The following PLEKHG1 variants were observed in gnomAD, a reference collection of about 807,000 sequenced individuals.
PLEKHG1 encodes pleckstrin homology domain-containing family G member 1.
PLEKHG1 carries 44 observed loss-of-function variants against 100.8 expected under a neutral mutation model. That is an observed-to-expected ratio of 0.44 (90% CI 0.34 to 0.56). The LOEUF (loss-of-function observed/expected upper bound fraction) is 0.56, where lower values mean the gene tolerates loss of function less well. Ranked by LOEUF, PLEKHG1 falls within the 20% of genes least tolerant of loss-of-function variation. PLEKHG1 has a pLI of 0.01. For missense variants in PLEKHG1, 1,545 were observed against 1,720.9 expected (o/e 0.90, Z 1.81); for synonymous variants, 640 against 662.5 (o/e 0.97, Z 0.52).
intron 3 of PLEKHG1, among the ~76,000 whole-genome samples, chr6:150,659,954 A>G (rs1362403348): frequency 1.3e-5 from 2 of 152,230 alleles, no homozygotes; most frequent in Non-Finnish European, 1.5e-5. Flanking sequence ...TCCAAAATTT[A>G]GAAACTTCAC....
intron 3 of PLEKHG1, among the ~76,000 whole-genome samples, chr6:150,712,123 T>C (rs1781262916): frequency 6.6e-6 from 1 of 152,160 alleles, no homozygotes; most frequent in Admixed American, 6.5e-5. Flanking sequence ...CCACTGCTTT[T>C]GGGACAATCT....
Position 150,600,598 on chromosome 6 carries a change from T to C in PLEKHG1, c.-204+581T>C, listed in dbSNP as rs1191472105. 6.6e-6 allele frequency among the ~76,000 whole-genome samples: 1 copy of C among 152,122 alleles called. No homozygotes were observed. The highest frequency in any genetic ancestry group is 1.5e-5 in the Non-Finnish European group (1 of 68,000). ...GGGCGCCCCCGTTCTGCAGATGCGC[T>C]TTTCAGGGGGTGGGGAGTCAAGAGC... On this transcript the variant is annotated intron_variant, in intron 1 of 3. Transcript: ENST00000367326. This position sits in a 1 kb window ranked among gnomAD's most constrained non-coding sequence, Gnocchi z 6.2.
At chr6:150,785,793 A>G (rs143568494) in intron 3 of PLEKHG1, among the ~76,000 whole-genome samples, 3 of 152,138 alleles carry the variant, frequency 2.0e-5, no homozygotes, top group Non-Finnish European at 4.4e-5. Flanking sequence ...AGTGAAGCTG[A>G]GCTCCACCTC....
intron 1 of PLEKHG1, among the ~76,000 whole-genome samples, chr6:150,725,863 A>G (rs888201568): frequency 2.0e-5 from 3 of 151,496 alleles, no homozygotes; most frequent in African/African-American, 7.3e-5. Context: ...ATAAGGGTTC[A>G]TTTTTATTCT....
chr6:150,794,615 C>T (rs1045746451), intron 4 of PLEKHG1, among the ~76,000 whole-genome samples: 3 of 151,980 alleles, frequency 2.0e-5, no homozygotes, highest in Admixed American at 2.0e-4. Context: ...TGCAGTGAGC[C>T]GAGGTTGCGC....
At chr6:150,644,885 T>C (rs1417743323) in intron 2 of PLEKHG1, among the ~76,000 whole-genome samples, 1 of 152,088 alleles carries the variant, frequency 6.6e-6, no homozygotes, top group East Asian at 1.9e-4. Context: ...AGGTAACATG[T>C]TCATAGACAA....
intron 3 of PLEKHG1, among the ~76,000 whole-genome samples, chr6:150,713,612 G>A (rs1781319055): frequency 6.6e-6 from 1 of 152,204 alleles, no homozygotes. Context: ...CTGAGGGTCA[G>A]GTGTGGGAGT....
At chr6:150,824,246 T>C (rs932630707) in intron 14 of PLEKHG1, among the ~76,000 whole-genome samples, 2 of 152,234 alleles carry the variant, frequency 1.3e-5, no homozygotes, top group South Asian at 2.1e-4. Context: ...TTGGAAGATA[T>C]TATATCCAAC....
At chr6:150,699,331 A>G (rs980120966) in intron 3 of PLEKHG1, among the ~76,000 whole-genome samples, 6 of 152,242 alleles carry the variant, frequency 3.9e-5, no homozygotes, top group Non-Finnish European at 7.3e-5. Flanking sequence ...GATTCAGAAA[A>G]GACACTCTGA....
intron 7 of PLEKHG1, among the ~76,000 whole-genome samples, chr6:150,805,817 G>A (rs1019924553): frequency 2.6e-5 from 4 of 152,046 alleles, no homozygotes; most frequent in Admixed American, 6.6e-5. Flanking sequence ...GTGAGCCACC[G>A]CACCTGACAG....
At chr6:150,715,464 C>T (rs1220545051) in intron 3 of PLEKHG1, among the ~76,000 whole-genome samples, 1 of 150,596 alleles carries the variant, frequency 6.6e-6, no homozygotes, top group Non-Finnish European at 1.5e-5. Context: ...TTGACTTTAA[C>T]GTTCATCACT....
chr6:150,744,338 T>C (rs1430772012), intron 2 of PLEKHG1, among the ~76,000 whole-genome samples: 1 of 152,166 alleles, frequency 6.6e-6, no homozygotes, highest in Non-Finnish European at 1.5e-5. Context: ...CCTCCCAAAG[T>C]GTTGGGATTA....
At chr6:150,828,335 T>C in intron 14 of PLEKHG1, 3 of 1,611,550 alleles carry the variant, frequency 1.9e-6, no homozygotes, top group Non-Finnish European at 2.5e-6. Context: ...CTCTCCTCAG[T>C]GCGGCGCTCT....
At chr6:150,674,857 A>G (rs1202686485) in intron 3 of PLEKHG1, among the ~76,000 whole-genome samples, 2 of 151,800 alleles carry the variant, frequency 1.3e-5, no homozygotes, top group African/African-American at 4.8e-5. Flanking sequence ...TAATTTTTGT[A>G]TTTTTAGTAG....
intron 1 of PLEKHG1, among the ~76,000 whole-genome samples, chr6:150,619,787 C>T (rs1777219528): frequency 6.6e-6 from 1 of 152,208 alleles, no homozygotes; most frequent in Admixed American, 6.5e-5. Flanking sequence ...ATGTTCTTCA[C>T]AGCTCCAGGG....
At chr6:150,827,943 G>A (rs1776707969) in intron 14 of PLEKHG1, 1 of 1,610,152 alleles carries the variant, frequency 6.2e-7, no homozygotes, top group Non-Finnish European at 8.5e-7. Context: ...ATCTGGAAAA[G>A]TTTTGGAGAT....
At chr6:150,755,033 T>TG (rs2128631359) in intron 2 of PLEKHG1, among the ~76,000 whole-genome samples, 1 of 151,938 alleles carries the variant, frequency 6.6e-6, no homozygotes, top group East Asian at 1.9e-4. Context: ...TGTAGTCCTG[T>TG]GGCGTGATCA....
intron 1 of PLEKHG1, among the ~76,000 whole-genome samples, chr6:150,622,790 A>C (rs747796311): frequency 6.6e-6 from 1 of 152,178 alleles, no homozygotes; most frequent in Non-Finnish European, 1.5e-5. Context: ...CAATTTTTCT[A>C]TAAGTTGAAA....
intron 2 of PLEKHG1, among the ~76,000 whole-genome samples, chr6:150,749,866 G>A (rs375317678): frequency 6.1e-4 from 93 of 152,254 alleles, no homozygotes; most frequent in African/African-American, 2.2e-3. Context: ...GAGGTCAGGA[G>A]TTCGAGAACA....
Sources: allele counts gnomAD v4.1 joint callset (sites outside exome capture counted in the v4.1 genomes callset), GRCh38; gene constraint gnomAD v4.1.1; non-coding constraint Gnocchi (gnomAD v3.1); transcripts MANE v1.5; gene names NCBI Gene and HGNC (gene_info 2026-07-23, HGNC 2026-07-21).